Variants in ZEB2 observed in about 807,000 individuals in gnomAD.
The protein encoded by ZEB2 is zinc finger E-box binding homeobox 2.
A neutral mutation model predicts 99.9 loss-of-function variants in ZEB2; 6 were observed. The ratio of observed to expected loss-of-function variants is 0.06; its 90% CI spans 0.03 to 0.12. The LOEUF (loss-of-function observed/expected upper bound fraction) is 0.12. ZEB2 is among the 10% of genes least tolerant of loss of function. The probability of loss-of-function intolerance (pLI) is 1.00; values close to 1 mark genes in which losing one functional copy is unlikely to be tolerated. For missense variants in ZEB2, 969 were observed against 1,502.8 expected, an observed-to-expected ratio of 0.64 and a Z score of 5.87; for synonymous variants, 517 against 542.5, an observed-to-expected ratio of 0.95 and a Z score of 0.65.
intron 2 of ZEB2, among the ~76,000 whole-genome samples, chr2:144,485,865 T>C (rs1704588127): frequency 6.6e-6 from 1 of 152,134 alleles, no homozygotes; most frequent in African/African-American, 2.4e-5. Flanking sequence ...GCAATCCACC[T>C]GTCTCGGCCT....
chr2:144,493,413 G>A (rs957569761), intron 2 of ZEB2, among the ~76,000 whole-genome samples: 1 of 152,176 alleles, frequency 6.6e-6, no homozygotes, highest in Non-Finnish European at 1.5e-5. Flanking sequence ...ATTAAGAACC[G>A]AAGTTCAGAG....
At chr2:144,515,962 A>G (rs1209651022) in intron 2 of ZEB2, 1 of 151,952 alleles carries the variant, frequency 6.6e-6, no homozygotes, top group African/African-American at 2.4e-5. Context: ...TGTCTTCTCT[A>G]GAGGAAAGTT....
chr2:144,474,733 A>G (rs2149910936), intron 2 of ZEB2, among the ~76,000 whole-genome samples: 1 of 152,252 alleles, frequency 6.6e-6, no homozygotes, highest in Non-Finnish European at 1.5e-5. Context: ...GATCATCACC[A>G]TCCATAACCA....
At chr2:144,406,075 T>C (rs539685420) in intron 4 of ZEB2, among the ~76,000 whole-genome samples, 1 of 152,368 alleles carries the variant, frequency 6.6e-6, no homozygotes, top group East Asian at 1.9e-4. Context: ...ATTCTTCACC[T>C]TGTCTTCTCT....
In ZEB2 at chr2:144,404,960, G is replaced by A. The variant is rs1272829324; in HGVS notation, c.468C>T (p.Arg156=). The A allele has an allele frequency of 6.8e-6, 11 of 1,614,074 alleles. No individual in the cohort carries two copies. The highest frequency in any genetic ancestry group is 2.2e-5 in the East Asian group (1 of 44,892). ...CCTCGATGCTGACTGCATGACCATC[G>A]CGTTCCTCCAGTTTTCTTTTGGCAA... The part of the protein sequence containing the change: ...EYFAKRKLEE[R]DGHAVSIEEY... The change falls in exon 5 of 10, where the codon CGC becomes CGT. Residue 156 remains arginine, a synonymous_variant. Coordinates refer to ENST00000627532, the MANE Select transcript of ZEB2 (RefSeq NM_014795.4).
rs1413108582 is a variant in ZEB2, at chr2:144,399,302, C to A, written c.1885G>T (p.Val629Phe). 3.1e-6 allele frequency: 5 copies of A among 1,614,104 alleles called. No individual in the cohort carries two copies. In the South Asian group the frequency reaches 5.5e-5, roughly 18 times the overall value. Residue 629 changes from valine (V) to phenylalanine (F), a missense_variant, in exon 8 of 10, where the codon GTT (valine) becomes TTT (phenylalanine). By Grantham distance (50) the Val-to-Phe change is conservative. Coordinates refer to ENST00000627532, the MANE Select transcript of ZEB2 (RefSeq NM_014795.4). The surrounding 1 kb of genome is among the most constrained non-coding windows in gnomAD (Gnocchi z 5.6). ...NIVPNKAGVF[V>F]DNKALLLSSV... Reference sequence around the variant, plus strand: ...GACAAGAGGAGGGCTTTATTATCAACAAAAACTCCGGCTTTGTTGGGGACT... The same window carrying A: ...GACAAGAGGAGGGCTTTATTATCAAAAAAAACTCCGGCTTTGTTGGGGACT...
chr2:144,497,820 T>C (rs78783951), intron 2 of ZEB2: 9,979 of 130,064 alleles, frequency 0.077, 514 homozygotes, highest in South Asian at 0.19. Context: ...AAAGACACTG[T>C]CATTCTCAAC....
intron 9 of ZEB2, among the ~76,000 whole-genome samples, chr2:144,395,289 G>A (rs2149874990): frequency 6.6e-6 from 1 of 152,156 alleles, no homozygotes; most frequent in Non-Finnish European, 1.5e-5. Context: ...GTGAGCTGCT[G>A]CGCCTGGCTC....
intron 4 of ZEB2, among the ~76,000 whole-genome samples, chr2:144,413,216 T>A (rs1703488781): frequency 6.6e-6 from 1 of 152,162 alleles, no homozygotes; most frequent in Admixed American, 6.5e-5. Context: ...AAAACAAACA[T>A]GCAGATTAAG....
chr2:144,508,963 T>C (rs1704990539), intron 2 of ZEB2, among the ~76,000 whole-genome samples: 1 of 152,170 alleles, frequency 6.6e-6, no homozygotes, highest in East Asian at 1.9e-4. Context: ...ATTCCTTTTT[T>C]CTATCTTTTT....
chr2:144,452,230 A>C (rs923476554), intron 2 of ZEB2, among the ~76,000 whole-genome samples: 6 of 152,130 alleles, frequency 3.9e-5, no homozygotes, highest in African/African-American at 1.4e-4. Context: ...ACGGGTAGGA[A>C]ATATGCTTTT....
At chr2:144,451,521 G>A (rs745756892) in intron 2 of ZEB2, among the ~76,000 whole-genome samples, 1 of 152,122 alleles carries the variant, frequency 6.6e-6, no homozygotes, top group East Asian at 1.9e-4. Flanking sequence ...ATTTGAAGGT[G>A]TACTAGGAAA....
chr2:144,427,686 A>G (rs562801077), intron 3 of ZEB2: 1 of 152,340 alleles, frequency 6.6e-6, no homozygotes, highest in South Asian at 2.1e-4. Context: ...AGAACAATAA[A>G]AAAAAAGAAC....
At chr2:144,394,989 CTTT>C (rs869207772) in intron 9 of ZEB2, among the ~76,000 whole-genome samples, 5 of 85,224 alleles carry the variant, frequency 5.9e-5, no homozygotes, top group African/African-American at 2.3e-4. Flanking sequence ...CTTCCCTTCG[CTTT>C]TTTTTTTTTT....
At chr2:144,499,907 G>C (rs1239057181) in intron 2 of ZEB2, among the ~76,000 whole-genome samples, 1 of 152,180 alleles carries the variant, frequency 6.6e-6, no homozygotes, top group Admixed American at 6.5e-5. Flanking sequence ...CTTTTAGAAA[G>C]TAAAAAACTG....
chr2:144,490,012 C>A (rs763868161), intron 2 of ZEB2, among the ~76,000 whole-genome samples: 16 of 152,182 alleles, frequency 1.1e-4, no homozygotes, highest in Non-Finnish European at 4.4e-5. Context: ...TTCTGGTATT[C>A]ATTCTGACTC....
chr2:144,409,965 G>A (rs1703436967), intron 4 of ZEB2, among the ~76,000 whole-genome samples: 1 of 149,460 alleles, frequency 6.7e-6, no homozygotes, highest in Non-Finnish European at 1.5e-5. Flanking sequence ...AGGCTAAAGT[G>A]CAGTAGTGCA....
intron 9 of ZEB2, among the ~76,000 whole-genome samples, chr2:144,391,547 A>G (rs533291863): frequency 6.6e-6 from 1 of 152,388 alleles, no homozygotes; most frequent in East Asian, 1.9e-4. Flanking sequence ...TAAACTGGAT[A>G]ACAGAGAATC....
chr2:144,403,022 T>C (rs1219299658), intron 6 of ZEB2, among the ~76,000 whole-genome samples: 1 of 152,230 alleles, frequency 6.6e-6, no homozygotes, highest in Non-Finnish European at 1.5e-5. Flanking sequence ...AAAACAGACA[T>C]GGTGTCAAGA....
Sources: gnomAD v4.1 joint callset for allele counts (sites outside exome capture counted in the v4.1 genomes callset) on GRCh38, gnomAD v4.1.1 for gene constraint, Gnocchi (gnomAD v3.1) non-coding constraint, MANE v1.5 for transcripts, NCBI Gene and HGNC (gene_info 2026-07-23, HGNC 2026-07-21) for gene names.